Variants in ZNF521 observed in about 807,000 individuals in gnomAD.
ZNF521 encodes the protein zinc finger protein 521.
ZNF521 carries 14 observed loss-of-function variants against 105.5 expected under a neutral mutation model. The ratio of observed to expected loss-of-function variants is 0.13; its 90% CI spans 0.09 to 0.21. The LOEUF (loss-of-function observed/expected upper bound fraction) is 0.21. Ranked by LOEUF, ZNF521 falls within the 10% of genes least tolerant of loss-of-function variation. The probability of loss-of-function intolerance (pLI) is 1.00; values close to 1 mark genes in which losing one functional copy is unlikely to be tolerated. For missense variants in ZNF521, 1,233 were observed against 1,629.7 expected (o/e 0.76, Z 4.19); for synonymous variants, 635 against 606.0 (o/e 1.05, Z -0.70).
At chr18:25,120,860 A>C (rs1004404242) in intron 5 of ZNF521, among the ~76,000 whole-genome samples, 11 of 152,110 alleles carry the variant, frequency 7.2e-5, no homozygotes, top group Non-Finnish European at 1.2e-4. Context: ...TTCTCATTAC[A>C]GTCACTTTCA....
At chr18:25,304,286 C>A (rs577829823) in intron 3 of ZNF521, among the ~76,000 whole-genome samples, 12 of 152,304 alleles carry the variant, frequency 7.9e-5, no homozygotes, top group African/African-American at 2.9e-4. Context: ...ATGTGGTAGT[C>A]CATACATTCT....
At chr18:25,120,122 A>C (rs895746243) in intron 5 of ZNF521, among the ~76,000 whole-genome samples, 1 of 152,210 alleles carries the variant, frequency 6.6e-6, no homozygotes, top group Non-Finnish European at 1.5e-5. Context: ...TGAACTTATT[A>C]AAAAAGGAAG....
intron 4 of ZNF521, among the ~76,000 whole-genome samples, chr18:25,217,518 G>C (rs190310828): frequency 2.1e-4 from 32 of 152,282 alleles, no homozygotes; most frequent in African/African-American, 7.7e-4. Flanking sequence ...TCAGGAGAGA[G>C]AACCAGGAGT....
intron 5 of ZNF521, among the ~76,000 whole-genome samples, chr18:25,122,249 G>C (rs1407347850): frequency 6.6e-6 from 1 of 151,938 alleles, no homozygotes; most frequent in African/African-American, 2.4e-5. Context: ...ATGAAACAGA[G>C]AGACAAGGTA....
intron 5 of ZNF521, among the ~76,000 whole-genome samples, chr18:25,185,474 G>A (rs928126587): frequency 2.0e-5 from 3 of 152,118 alleles, no homozygotes; most frequent in Admixed American, 6.6e-5. Context: ...GGCAGCAAGA[G>A]AGTAAAGAAG....
Position 25,062,506 on chromosome 18 carries a change from A to G in ZNF521, c.*206T>C. The G allele has an allele frequency of 1.7e-6, 1 of 601,874 alleles. No individual in the cohort carries two copies. Among genetic ancestry groups the G allele is most frequent in the Non-Finnish European group, 2.8e-6 (1 of 359,744 alleles). The allele number at this position is 601,874 out of a possible 1,614,324, so 37.3% of individuals were successfully genotyped here. ...ATTTTAGTATCAGACGACATAATAC[A>G]TGTGCAACACTTTATATACAAGGGG... On this transcript the variant is annotated 3_prime_UTR_variant, in exon 8 of 8. Transcript: ENST00000361524.
At chr18:25,332,340 A>C (rs1046226027) in intron 2 of ZNF521, among the ~76,000 whole-genome samples, 2 of 108,468 alleles carry the variant, frequency 1.8e-5, no homozygotes, top group Admixed American at 9.5e-5. Flanking sequence ...ATAATGAAAG[A>C]TCACAGCAAA....
At chr18:25,328,872 A>G (rs1395550155) in intron 2 of ZNF521, among the ~76,000 whole-genome samples, 1 of 152,182 alleles carries the variant, frequency 6.6e-6, no homozygotes, top group Non-Finnish European at 1.5e-5. Context: ...TATCTTTAAC[A>G]TGAAATTTGG....
chr18:25,275,949 T>G (rs1439052171), intron 3 of ZNF521, among the ~76,000 whole-genome samples: 1 of 152,164 alleles, frequency 6.6e-6, no homozygotes, highest in Non-Finnish European at 1.5e-5. Flanking sequence ...AAGCTGCTAT[T>G]GATGGCGGAG....
At chr18:25,244,419 G>A (rs1420571458) in intron 3 of ZNF521, among the ~76,000 whole-genome samples, 2 of 152,040 alleles carry the variant, frequency 1.3e-5, no homozygotes, top group Non-Finnish European at 2.9e-5. Context: ...GGAAGCCTAA[G>A]ACCTCACAGA....
At position 25,083,809 on chromosome 18, in the gene ZNF521, G is replaced by A. The variant is rs575702132; in HGVS notation, c.3906+5656C>T. On this transcript the variant is annotated intron_variant, in intron 7 of 7. Transcript: ENST00000361524. The stretch of plus-strand genomic sequence containing the variant: ...GACAAGGTCTCTCTCTCTCTCTGTC[G>A]CCCAGGCTGGAGTGCAGTGGTGCAA... Among the ~76,000 whole-genome samples the A allele has an allele frequency of 4.0e-5, 6 of 151,062 alleles. No individual in the cohort carries two copies. The South Asian group carries it at 6.3e-4, about 16-fold the overall frequency.
At chr18:25,262,670 A>T (rs1908991117) in intron 3 of ZNF521, among the ~76,000 whole-genome samples, 1 of 152,216 alleles carries the variant, frequency 6.6e-6, no homozygotes, top group African/African-American at 2.4e-5. Flanking sequence ...TGATATGGCA[A>T]ATAAATACAA....
At chr18:25,221,405 A>C (rs1005991533) in intron 4 of ZNF521, among the ~76,000 whole-genome samples, 1 of 152,156 alleles carries the variant, frequency 6.6e-6, no homozygotes, top group African/African-American at 2.4e-5. Context: ...TCAATCATAT[A>C]ATATTCTTTT....
At chr18:25,193,912 A>C (rs921438391) in intron 5 of ZNF521, among the ~76,000 whole-genome samples, 2 of 152,012 alleles carry the variant, frequency 1.3e-5, no homozygotes. Flanking sequence ...TATAAGCAAC[A>C]ACCCCCCAGA....
At chr18:25,100,084 C>T (rs1017964845) in intron 5 of ZNF521, among the ~76,000 whole-genome samples, 2 of 150,326 alleles carry the variant, frequency 1.3e-5, no homozygotes, top group Non-Finnish European at 3.0e-5. Context: ...TTCTTTTTTT[C>T]TTTCTTTCTT....
chr18:25,155,371 C>CT (rs1567985856), intron 5 of ZNF521, among the ~76,000 whole-genome samples: 2 of 151,992 alleles, frequency 1.3e-5, no homozygotes, highest in Admixed American at 6.6e-5. Context: ...CATTTTGTTG[C>CT]TTTTTTCCAC....
chr18:25,165,205 T>C (rs2035317226), intron 5 of ZNF521, among the ~76,000 whole-genome samples: 1 of 152,220 alleles, frequency 6.6e-6, no homozygotes, highest in Non-Finnish European at 1.5e-5. Context: ...AGGTAAGCAA[T>C]TCAGCCTTGT....
At chr18:25,194,700 T>G (rs1192359831) in intron 5 of ZNF521, among the ~76,000 whole-genome samples, 1 of 151,678 alleles carries the variant, frequency 6.6e-6, no homozygotes, top group Non-Finnish European at 1.5e-5. Flanking sequence ...TAAAACTATT[T>G]TATGGCTATT....
At chr18:25,299,206 T>C (rs1911490322) in intron 3 of ZNF521, among the ~76,000 whole-genome samples, 1 of 152,198 alleles carries the variant, frequency 6.6e-6, no homozygotes, top group Admixed American at 6.5e-5. Context: ...TTGGGCCACA[T>C]GAGGTCTGGG....
Sources: allele counts gnomAD v4.1 joint callset (sites outside exome capture counted in the v4.1 genomes callset), GRCh38; gene constraint gnomAD v4.1.1; transcripts MANE v1.5; gene names NCBI Gene and HGNC (gene_info 2026-07-23, HGNC 2026-07-21).